Variants in ACOX2 observed in about 807,000 individuals in gnomAD.
ACOX2 encodes the protein acyl-CoA oxidase 2, also known as peroxisomal acyl-coenzyme A oxidase 2.
Under a neutral mutation model 77.5 loss-of-function variants are expected in ACOX2, and 59 were observed. The ratio of observed to expected loss-of-function variants is 0.76; its 90% CI spans 0.62 to 0.95. ACOX2 has a LOEUF of 0.95. Ranked by LOEUF, ACOX2 falls within the 40% of genes least tolerant of loss-of-function variation. The probability of loss-of-function intolerance (pLI) is 0.00; values close to 1 mark genes in which losing one functional copy is unlikely to be tolerated. For synonymous variants in ACOX2, 317 were observed against 340.1 expected (o/e 0.93, Z 0.75); for missense variants, 837 against 880.4 (o/e 0.95, Z 0.62).
In ACOX2 at chr3:58,535,245, T is replaced by G. The variant is rs958721364; in HGVS notation, c.-91-48A>C. 7 of 1,092,920 alleles carry G rather than the reference T, an allele frequency of 6.4e-6. No individual in the cohort carries two copies. Among genetic ancestry groups the G allele is most frequent in the Non-Finnish European group, 9.4e-6 (7 of 745,468 alleles). 67.7% of individuals were successfully genotyped at this position (1,092,920 alleles called of 1,614,324 possible). A position where few individuals can be genotyped will look rare whatever the true frequency, so the allele number is the denominator to read the frequency against. On this transcript the variant is annotated intron_variant, in intron 1 of 14. Coordinates refer to ENST00000302819, the MANE Select transcript of ACOX2 (RefSeq NM_003500.4). The surrounding 1 kb of genome is among the most constrained non-coding windows in gnomAD (Gnocchi z 4.8). ...AGGGCTGGGTGTCAGCCAGGGCTGG[T>G]TGGTAGAAGAAAGACATCCCTAAGT... is the stretch of plus-strand genomic sequence containing the variant.
At chr3:58,536,939 C>T (rs764810910) in intron 1 of ACOX2, among the ~76,000 whole-genome samples, 180 bp downstream of exon 1, 4 of 152,194 alleles carry the variant, frequency 2.6e-5, no homozygotes, top group Admixed American at 2.6e-4. Context: ...GCAAGAGGGC[C>T]GGGATCTTTG....
In ACOX2 at chr3:58,531,389, A is replaced by G. The variant is rs201993633; in HGVS notation, c.704-23T>C. The stretch of plus-strand genomic sequence containing the variant: ...TTCCTTGAAGGAGATGGAGATGAGG[A>G]CACCTATCAGTTGAGAGAGTGCTTG... On this transcript the variant is annotated intron_variant, in intron 6 of 14. Coordinates refer to ENST00000302819, the MANE Select transcript of ACOX2 (RefSeq NM_003500.4). This position sits in a 1 kb window ranked among gnomAD's most constrained non-coding sequence, Gnocchi z 5.8. 13 of 1,600,754 alleles carry G rather than the reference A, an allele frequency of 8.1e-6. No homozygotes were observed. The East Asian group carries it at 2.7e-4, about 33-fold the overall frequency.
In ACOX2 at chr3:58,534,819, G is replaced by T; in HGVS notation, c.160+128C>A. 6.8e-7 allele frequency: 1 copy of T among 1,465,202 alleles called. No individual in the cohort carries two copies. 90.8% of individuals were successfully genotyped at this position (1,465,202 alleles called of 1,614,324 possible). A position where few individuals can be genotyped will look rare whatever the true frequency, so the allele number is the denominator to read the frequency against. ...GATTGTCTTTACAGTTCGAAGGAAT[G>T]AATCTCTAACAGTGGAATTTCAAGG... On this transcript the variant is annotated intron_variant, in intron 2 of 14. Transcript: ENST00000302819. The surrounding 1 kb of genome is among the most constrained non-coding windows in gnomAD (Gnocchi z 4.8).
rs184718018 is a variant in ACOX2 at position 58,528,987 on chromosome 3, C to T, written c.993-31G>A. The T allele has an allele frequency of 6.3e-7, 1 of 1,587,964 alleles. No individual in the cohort carries two copies. Among genetic ancestry groups the T allele is most frequent in the African/African-American group, 1.3e-5 (1 of 74,466 alleles). The stretch of plus-strand genomic sequence containing the variant: ...GGGAAAAGAACCAGAAGATTTAGAT[C>T]ACTACCTGTTGTGTCCACCTTCCCC... On this transcript the variant is annotated intron_variant, in intron 8 of 14. Coordinates refer to ENST00000302819, the MANE Select transcript of ACOX2 (RefSeq NM_003500.4). This position sits in a 1 kb window ranked among gnomAD's most constrained non-coding sequence, Gnocchi z 5.6.
Position 58,505,171 on chromosome 3 carries a change from A to G in ACOX2, c.*53T>C. The G allele has an allele frequency of 6.9e-7, 1 of 1,445,646 alleles. No homozygotes were observed. The highest frequency in any genetic ancestry group is 1.2e-5 in the South Asian group (1 of 82,874). The allele number at this position is 1,445,646 out of a possible 1,614,324, so 89.6% of individuals were successfully genotyped here. On this transcript the variant is annotated 3_prime_UTR_variant, in exon 15 of 15. Coordinates refer to ENST00000302819, the MANE Select transcript of ACOX2 (RefSeq NM_003500.4). This position sits in a 1 kb window ranked among gnomAD's most constrained non-coding sequence, Gnocchi z 4.4. ...AATTTTAATGTTGCATATATGCCATAGTACCATTATCACATGATGGTGCTG... is the reference window on the plus strand; with the variant it reads ...AATTTTAATGTTGCATATATGCCATGGTACCATTATCACATGATGGTGCTG...
chr3:58,529,855 C>A (rs762331284), intron 8 of ACOX2, among the ~76,000 whole-genome samples: 2 of 152,316 alleles, frequency 1.3e-5, no homozygotes, highest in South Asian at 4.1e-4. Flanking sequence ...GTGAAATGGC[C>A]GAGCTGAGTG....
chr3:58,528,905 A>G lies in ACOX2; in HGVS notation c.1044T>C (p.Phe348=). 2 of 1,613,664 alleles carry G rather than the reference A, an allele frequency of 1.2e-6. No individual in the cohort carries two copies. Among genetic ancestry groups the G allele is most frequent in the Non-Finnish European group, 1.7e-6 (2 of 1,179,796 alleles). The change falls in exon 9 of 15, where the codon TTT becomes TTC. Residue 348 remains phenylalanine, a synonymous_variant. Transcript: ENST00000302819. This position sits in a 1 kb window ranked among gnomAD's most constrained non-coding sequence, Gnocchi z 5.6. Reference sequence around the variant, plus strand: ...AGGCATAACTGATGGCCAGCTGAGGAAAGAGTTTCTGCTGTTGTGTCTGGT... The same window carrying G: ...AGGCATAACTGATGGCCAGCTGAGGGAAGAGTTTCTGCTGTTGTGTCTGGT... The part of the protein sequence containing the change: ...LDYQTQQQKL[F]PQLAISYAFH...
rs1283526303 is a variant in ACOX2 at position 58,524,534 on chromosome 3, G to A, written c.1418C>T (p.Ser473Phe). The part of the protein sequence containing the change: ...GSTPQRSLSP[S>F]VAYLTAPDLA... Reference sequence around the variant, plus strand: ...GTCAGGTGCGGTGAGATATGCGACAGATGGAGAGAGAGATCTCTGTGGCGT... The same window carrying A: ...GTCAGGTGCGGTGAGATATGCGACAAATGGAGAGAGAGATCTCTGTGGCGT... Residue 473 changes from serine (S) to phenylalanine (F), a missense_variant, in exon 11 of 15, where the codon TCT becomes TTT. Coordinates refer to ENST00000302819, the MANE Select transcript of ACOX2 (RefSeq NM_003500.4). This position sits in a 1 kb window ranked among gnomAD's most constrained non-coding sequence, Gnocchi z 5.5. 6.2e-7 allele frequency: 1 copy of A among 1,614,242 alleles called. No individual in the cohort carries two copies. The highest frequency in any genetic ancestry group is 1.3e-5 in the African/African-American group (1 of 75,076).
intron 13 of ACOX2, among the ~76,000 whole-genome samples, chr3:58,513,865 G>C (rs1042728834): frequency 2.2e-4 from 34 of 152,234 alleles, no homozygotes; most frequent in African/African-American, 7.2e-4. Flanking sequence ...TGGACCATTG[G>C]GGGACTCTGA....
Position 58,534,721 on chromosome 3 carries a change from C to T in ACOX2, c.161-199G>A. 1 of 1,388,848 alleles carries T rather than the reference C, an allele frequency of 7.2e-7. No homozygotes were observed. Among genetic ancestry groups the T allele is most frequent in the Non-Finnish European group, 9.9e-7 (1 of 1,009,580 alleles). 86.0% of individuals were successfully genotyped at this position (1,388,848 alleles called of 1,614,324 possible). A position where few individuals can be genotyped will look rare whatever the true frequency, so the allele number is the denominator to read the frequency against. ...GCTATGCAGTGGCAGAATTTTAGGA[C>T]CAGAATCCAGGTCTTCTGCTGCCTA... is the stretch of plus-strand genomic sequence containing the variant. On this transcript the variant is annotated intron_variant, in intron 2 of 14. Coordinates refer to ENST00000302819, the MANE Select transcript of ACOX2 (RefSeq NM_003500.4). This position sits in a 1 kb window ranked among gnomAD's most constrained non-coding sequence, Gnocchi z 4.8.
intron 1 of ACOX2, among the ~76,000 whole-genome samples, chr3:58,536,544 C>T (rs1266832023): frequency 2.0e-5 from 3 of 152,132 alleles, no homozygotes; most frequent in Non-Finnish European, 2.9e-5. Context: ...GGGGCCCCAT[C>T]CTCTGCCCCC....
rs1239148055 is a variant in ACOX2, at chr3:58,515,037, T to C, written c.1850+2169A>G. Among the ~76,000 whole-genome samples, 1 of 152,112 alleles carries C rather than the reference T, an allele frequency of 6.6e-6. No homozygotes were observed. Among genetic ancestry groups the C allele is most frequent in the Non-Finnish European group, 1.5e-5 (1 of 68,028 alleles). ...TTAACTGAACAAACTTTTTTTTTTTTCTTGAGATGGAGTCTCACTCTTGTC... is the reference window on the plus strand; with the variant it reads ...TTAACTGAACAAACTTTTTTTTTTTCCTTGAGATGGAGTCTCACTCTTGTC... On this transcript the variant is annotated intron_variant, in intron 13 of 14. Coordinates refer to ENST00000302819, the MANE Select transcript of ACOX2 (RefSeq NM_003500.4). This position sits in a 1 kb window ranked among gnomAD's most constrained non-coding sequence, Gnocchi z 4.0.
Position 58,530,624 on chromosome 3 carries a change from G to A in ACOX2, c.834C>T (p.Gly278=), listed in dbSNP as rs1186744806. ...GTGCTGTACCGAGTTTGACGTAGGT[G>A]CCATCTGGCAAGACCTGTGTGGAAC... ...LSRFAQVLPD[G]TYVKLGTAQS... Residue 278 remains glycine, a synonymous_variant, in exon 8 of 15, where the codon GGC becomes GGT. Transcript: ENST00000302819. The A allele has an allele frequency of 6.2e-7, 1 of 1,614,116 alleles. No individual in the cohort carries two copies. Among genetic ancestry groups the A allele is most frequent in the South Asian group, 1.1e-5 (1 of 91,062 alleles).
intron 14 of ACOX2, among the ~76,000 whole-genome samples, chr3:58,507,019 CTCATG>C (rs2063239488): frequency 6.6e-6 from 1 of 152,156 alleles, no homozygotes; most frequent in Non-Finnish European, 1.5e-5. Context: ...AGCAGGCAGC[CTCATG>C]TCATTTTAAC....
chr3:58,517,347 T>C lies in ACOX2; in HGVS notation c.1709A>G (p.Gln570Arg), dbSNP rs762586542. The C allele has an allele frequency of 2.5e-6, 4 of 1,614,210 alleles. No homozygotes were observed. The South Asian group carries it at 4.4e-5, about 18-fold the overall frequency. Reference sequence around the variant, plus strand: ...GAGGTCACAGAGGCGCTTGAGCACCTGCTGAATCGCTGGTTCATTTTCTAG... The same window carrying C: ...GAGGTCACAGAGGCGCTTGAGCACCCGCTGAATCGCTGGTTCATTTTCTAG... ...EKLENEPAIQQVLKRLCDLHA... is the reference protein window; with the variant it reads ...EKLENEPAIQRVLKRLCDLHA... Residue 570 changes from glutamine (Q) to arginine (R), a missense_variant, in exon 13 of 15, where the codon CAG (glutamine) becomes CGG (arginine). Transcript: ENST00000302819.
Position 58,535,085 on chromosome 3 carries a change from C to T in ACOX2, c.22G>A (p.Val8Met), listed in dbSNP as rs1280571658. 2 of 1,614,196 alleles carry T rather than the reference C, an allele frequency of 1.2e-6. No homozygotes were observed. Among genetic ancestry groups the T allele is most frequent in the Non-Finnish European group, 1.7e-6 (2 of 1,180,046 alleles). The change falls in exon 2 of 15, where the codon GTG becomes ATG. Residue 8 changes from valine to methionine, a missense_variant. Val to Met is a conservative substitution (Grantham distance 21). Coordinates refer to ENST00000302819, the MANE Select transcript of ACOX2 (RefSeq NM_003500.4). This position sits in a 1 kb window ranked among gnomAD's most constrained non-coding sequence, Gnocchi z 4.8. MGSPVHRVSLGDTWSRQM... is the reference protein window; with the variant it reads MGSPVHRMSLGDTWSRQM... ...CTGCTCCAGGTATCCCCCAATGACA[C>T]TCGGTGCACTGGGCTGCCCATCCTA... is the stretch of plus-strand genomic sequence containing the variant.
rs113172057 is a variant in ACOX2 at position 58,536,850 on chromosome 3, C to T, written c.-92+269G>A. On this transcript the variant is annotated intron_variant, in intron 1 of 14. Coordinates refer to ENST00000302819, the MANE Select transcript of ACOX2 (RefSeq NM_003500.4). ...TCTCCTTTTTCTCTTTTCACTTATC[C>T]CCTTCTGACATTTGAGATCATTTAC... 3.3e-3 allele frequency among the ~76,000 whole-genome samples: 497 copies of T among 152,306 alleles called. 3 individuals carry two copies. The highest frequency in any genetic ancestry group is 0.011 in the African/African-American group (457 of 41,554).
intron 9 of ACOX2, among the ~76,000 whole-genome samples, chr3:58,527,577 T>C (rs2063405614): frequency 6.6e-6 from 1 of 151,498 alleles, no homozygotes; most frequent in South Asian, 2.1e-4. Flanking sequence ...TTCTACCATT[T>C]GAGGACACAG....
In ACOX2 at chr3:58,522,472, C is replaced by T. The variant is rs373605026; in HGVS notation, c.1632+24G>A. 2.2e-5 allele frequency: 35 copies of T among 1,609,382 alleles called. No individual in the cohort carries two copies. The highest frequency in any genetic ancestry group is 2.8e-5 in the Non-Finnish European group (33 of 1,175,830). On this transcript the variant is annotated intron_variant, in intron 12 of 14. Coordinates refer to ENST00000302819, the MANE Select transcript of ACOX2 (RefSeq NM_003500.4). This position sits in a 1 kb window ranked among gnomAD's most constrained non-coding sequence, Gnocchi z 4.3. ...CCTGGGAAGCAAAATGGATCCCTTT[C>T]AGCTTCAGCTGGCAGGCGCTCACCT... is the stretch of plus-strand genomic sequence containing the variant.
Sources: gnomAD v4.1 joint callset for allele counts (sites outside exome capture counted in the v4.1 genomes callset) on GRCh38, gnomAD v4.1.1 for gene constraint, Gnocchi (gnomAD v3.1) non-coding constraint, MANE v1.5 for transcripts, NCBI Gene and HGNC (gene_info 2026-07-23, HGNC 2026-07-21) for gene names.